Variants in CYTH3 observed in about 807,000 individuals in gnomAD.
CYTH3 encodes the protein cytohesin 3.
CYTH3 carries 23 observed loss-of-function variants against 55.1 expected under a neutral mutation model. The observed-to-expected ratio is 0.42, with a 90% CI of 0.30 to 0.59. The LOEUF is 0.59. CYTH3 is among the 20% of genes least tolerant of loss of function. The pLI is 0.20. For synonymous variants in CYTH3, 249 were observed against 194.9 expected (o/e 1.28, Z -2.31); for missense variants, 413 against 524.8 (o/e 0.79, Z 2.08).
At chr7:6,243,939 T>C (rs1779739994) in intron 1 of CYTH3, among the ~76,000 whole-genome samples, 1 of 152,234 alleles carries the variant, frequency 6.6e-6, no homozygotes, top group African/African-American at 2.4e-5. Flanking sequence ...ATGGAAATTC[T>C]CTCCTGTTAG....
At chr7:6,195,446 G>C (rs1783901207) in intron 1 of CYTH3, among the ~76,000 whole-genome samples, 1 of 151,950 alleles carries the variant, frequency 6.6e-6, no homozygotes, top group Admixed American at 6.6e-5. Flanking sequence ...TCCACACTGT[G>C]GTTTTCTTTT....
chr7:6,200,442 C>CGTA (rs1333236999), intron 1 of CYTH3, among the ~76,000 whole-genome samples: 4 of 152,178 alleles, frequency 2.6e-5, no homozygotes, highest in Non-Finnish European at 5.9e-5. Flanking sequence ...TGTGATAATA[C>CGTA]GTACCCTGAA....
At chr7:6,244,920 C>CT (rs1373236242) in intron 1 of CYTH3, among the ~76,000 whole-genome samples, 8 of 139,362 alleles carry the variant, frequency 5.7e-5, no homozygotes, top group African/African-American at 8.1e-5. Context: ...TCCCGAGTAG[C>CT]TGGGACTACA....
intron 1 of CYTH3, among the ~76,000 whole-genome samples, chr7:6,229,923 T>C (rs1779347528): frequency 6.6e-6 from 1 of 151,790 alleles, no homozygotes; most frequent in Admixed American, 6.6e-5. Flanking sequence ...TAGCTTGAGG[T>C]CTGGAGTTCG....
At chr7:6,231,056 C>A (rs1779380916) in intron 1 of CYTH3, among the ~76,000 whole-genome samples, 2 of 152,168 alleles carry the variant, frequency 1.3e-5, no homozygotes, top group South Asian at 4.1e-4. Context: ...GTTACCCAGG[C>A]CTTTCCCCTC....
intron 1 of CYTH3, among the ~76,000 whole-genome samples, chr7:6,192,669 T>C (rs1039590162): frequency 8.6e-5 from 13 of 150,976 alleles, no homozygotes; most frequent in Non-Finnish European, 1.6e-4. Context: ...GTAGCTGGGA[T>C]TATAGGCGTG....
intron 1 of CYTH3, among the ~76,000 whole-genome samples, chr7:6,223,550 C>G (rs10241959): frequency 1.3e-5 from 2 of 152,146 alleles, no homozygotes; most frequent in African/African-American, 4.8e-5. Flanking sequence ...CCCGTGCTCT[C>G]TGAAACATGT....
chr7:6,259,758 TA>T (rs1780244152), intron 1 of CYTH3, among the ~76,000 whole-genome samples: 4 of 27,322 alleles, frequency 1.5e-4, no homozygotes, highest in Non-Finnish European at 2.1e-4. Context: ...ATATATATAT[TA>T]TATATATATA....
intron 2 of CYTH3, 103 bp downstream of exon 2, chr7:6,190,330 TATTTTTTGTTTTTGGG>T: frequency 1.2e-6 from 1 of 866,888 alleles, no homozygotes; most frequent in Middle Eastern, 3.6e-4. Flanking sequence ...TTTTTTTTGT[TATTTTTTGTTTTTGGG>T]TTTTTTTTTT....
intron 12 of CYTH3, 33 bp from the exon 13 acceptor site, chr7:6,165,049 C>A (rs200964333): frequency 1.2e-6 from 2 of 1,613,394 alleles, no homozygotes; most frequent in Middle Eastern, 1.6e-4. Flanking sequence ...CAGGTTAGGT[C>A]GTGGGTGACA....
chr7:6,270,476 T>A (rs1780621172), intron 1 of CYTH3, among the ~76,000 whole-genome samples: 1 of 152,252 alleles, frequency 6.6e-6, no homozygotes, highest in Admixed American at 6.5e-5. Context: ...GATGGTTTTT[T>A]TCCAATCTGA....
At chr7:6,166,951 T>G (rs2128535974) in intron 9 of CYTH3, among the ~76,000 whole-genome samples, 1 of 152,284 alleles carries the variant, frequency 6.6e-6, no homozygotes, top group East Asian at 1.9e-4. Flanking sequence ...GACCCTGGTC[T>G]GGGCAAATCT....
chr7:6,185,495 G>A lies in CYTH3; in HGVS notation c.249+1555C>T, dbSNP rs544208942. ...GCAGATCACAAGGTCAGGAGATCGA[G>A]ACCATCCTAGCTAACACAGTGAAAC... is the stretch of plus-strand genomic sequence containing the variant. On this transcript the variant is annotated intron_variant, in intron 4 of 12. Coordinates refer to ENST00000350796, the MANE Select transcript of CYTH3 (RefSeq NM_004227.4). Among the ~76,000 whole-genome samples, 4 of 152,188 alleles carry A rather than the reference G, an allele frequency of 2.6e-5. No homozygotes were observed. The East Asian group carries it at 5.8e-4, about 22-fold the overall frequency.
intron 1 of CYTH3, among the ~76,000 whole-genome samples, chr7:6,255,968 T>C (rs2115053712): frequency 6.6e-6 from 1 of 152,144 alleles, no homozygotes; most frequent in Non-Finnish European, 1.5e-5. Context: ...TTTCACTGTG[T>C]TAGCCAGGAT....
At chr7:6,235,066 G>C (rs1007854155) in intron 1 of CYTH3, among the ~76,000 whole-genome samples, 1 of 152,100 alleles carries the variant, frequency 6.6e-6, no homozygotes. Context: ...CTCCCCAAGA[G>C]CATCATGCTC....
At chr7:6,250,889 C>G (rs904664027) in intron 1 of CYTH3, among the ~76,000 whole-genome samples, 1 of 152,214 alleles carries the variant, frequency 6.6e-6, no homozygotes, top group African/African-American at 2.4e-5. Context: ...ACTGAAGGTG[C>G]ACAGTCCCTC....
chr7:6,174,520 A>C (rs1583741493), intron 5 of CYTH3, among the ~76,000 whole-genome samples: 2 of 149,218 alleles, frequency 1.3e-5, no homozygotes, highest in South Asian at 4.3e-4. Context: ...AATGGGTGTG[A>C]AATGGTATCT....
At chr7:6,251,136 G>A (rs182998702) in intron 1 of CYTH3, among the ~76,000 whole-genome samples, 1 of 152,168 alleles carries the variant, frequency 6.6e-6, no homozygotes, top group African/African-American at 2.4e-5. Context: ...TTAGCTGGAC[G>A]TGGTGGCGGG....
At chr7:6,260,032 G>C (rs2115060880) in intron 1 of CYTH3, among the ~76,000 whole-genome samples, 1 of 149,706 alleles carries the variant, frequency 6.7e-6, no homozygotes, top group Non-Finnish European at 1.5e-5. Flanking sequence ...GTTTCTCCAT[G>C]TGGTCAGGCT....
Sources: gnomAD v4.1 joint callset for allele counts (sites outside exome capture counted in the v4.1 genomes callset) on GRCh38, gnomAD v4.1.1 for gene constraint, MANE v1.5 for transcripts, NCBI Gene and HGNC (gene_info 2026-07-23, HGNC 2026-07-21) for gene names.